Variants in IGHMBP2 observed in about 807,000 individuals in gnomAD.
IGHMBP2 encodes the protein DNA-binding protein SMUBP-2.
IGHMBP2 carries 81 observed loss-of-function variants against 96.0 expected under a neutral mutation model. The ratio of observed to expected loss-of-function variants is 0.84; its 90% CI spans 0.71 to 1.01. The LOEUF is 1.01. Among genes scored for constraint, IGHMBP2 ranks in the 50% least tolerant of loss-of-function variants. IGHMBP2 has a pLI of 0.00. For synonymous variants in IGHMBP2, 557 were observed against 548.9 expected, an observed-to-expected ratio of 1.01 and a Z score of -0.21; for missense variants, 1,227 against 1,306.3, an observed-to-expected ratio of 0.94 and a Z score of 0.94.
rs1859700120 is a variant in IGHMBP2 at position 68,940,143 on chromosome 11, CAA to C, written c.*413_*414del. ...GAGGGTGCTGAGAGGAAACAGGAAA[CAA>C]GACTGCGAATGGCGCTCAGGCAGGG... On this transcript the variant is annotated 3_prime_UTR_variant, in exon 15 of 15. Transcript: ENST00000255078. 3 of 203,036 alleles carry C rather than the reference CAA, an allele frequency of 1.5e-5. No homozygotes were observed. Among genetic ancestry groups the C allele is most frequent in the Admixed American group, 5.3e-5 (1 of 18,866 alleles). 12.6% of individuals were successfully genotyped at this position (203,036 alleles called of 1,614,324 possible).
chr11:68,928,628 TG>T (rs1859158096), intron 7 of IGHMBP2, among the ~76,000 whole-genome samples: 1 of 152,092 alleles, frequency 6.6e-6, no homozygotes, highest in Admixed American at 6.5e-5. Flanking sequence ...GGCTTAGGGG[TG>T]GGAGGCTCGC....
chr11:68,926,270 T>A lies in IGHMBP2; in HGVS notation c.1061-2913T>A, dbSNP rs1347104338. Reference sequence around the variant, plus strand: ...CTCCAGAATTTCTGTGTGGTGCTTTTTTTTTTTTTTTTTTTTTTTTAGATG... The same window carrying A: ...CTCCAGAATTTCTGTGTGGTGCTTTATTTTTTTTTTTTTTTTTTTTAGATG... On this transcript the variant is annotated intron_variant, in intron 7 of 14. Transcript: ENST00000255078. 9 of 36,302 alleles carry A rather than the reference T, an allele frequency of 2.5e-4. No individual in the cohort carries two copies. The East Asian group carries it at 0.026, about 106-fold the overall frequency. The allele number at this position is 36,302 out of a possible 1,614,324, so 2.2% of individuals were successfully genotyped here.
chr11:68,918,188 T>TAAAAAAAGAAA (rs1858741634), intron 7 of IGHMBP2, among the ~76,000 whole-genome samples: 1 of 152,220 alleles, frequency 6.6e-6, no homozygotes. Context: ...TGGTTCCTAA[T>TAAAAAAAGAAA]ATGCCCTTAT....
chr11:68,934,046 C>G (rs1859425239), intron 10 of IGHMBP2, 133 bp downstream of exon 10: 2 of 737,376 alleles, frequency 2.7e-6, no homozygotes, highest in Non-Finnish European at 4.9e-6. Context: ...AAAACGGAGC[C>G]CCACACTGCA....
intron 1 of IGHMBP2, among the ~76,000 whole-genome samples, chr11:68,905,864 T>C: frequency 6.6e-6 from 1 of 152,146 alleles, no homozygotes; most frequent in East Asian, 1.9e-4. Context: ...CTCAGGTAAC[T>C]GAGAGAAGGG....
chr11:68,926,243 A>T (rs1347170545), intron 7 of IGHMBP2: 1 of 143,686 alleles, frequency 7.0e-6, no homozygotes, highest in African/African-American at 2.6e-5. Flanking sequence ...TGTACTTTTC[A>T]ACTCCAGAAT....
intron 2 of IGHMBP2, among the ~76,000 whole-genome samples, chr11:68,907,029 G>T (rs1256591102): frequency 6.6e-6 from 1 of 152,102 alleles, no homozygotes; most frequent in Non-Finnish European, 1.5e-5. Flanking sequence ...GGAGGCCGAG[G>T]TGGGTGGATC....
intron 8 of IGHMBP2, among the ~76,000 whole-genome samples, chr11:68,932,033 T>C (rs1232697194): frequency 7.1e-6 from 1 of 140,276 alleles, no homozygotes; most frequent in South Asian, 2.3e-4. Context: ...GGGGAAAACA[T>C]TGGGTGGCAT....
intron 5 of IGHMBP2, among the ~76,000 whole-genome samples, chr11:68,914,292 CAAA>C (rs35858423): frequency 2.2e-5 from 3 of 136,248 alleles, no homozygotes; most frequent in Non-Finnish European, 3.3e-5. Flanking sequence ...CAATTTGTTT[CAAA>C]AAAAAAAAAG....
rs890113569 is a variant in IGHMBP2, at chr11:68,939,674, G to A, written c.2925G>A (p.Lys975=). The stretch of plus-strand genomic sequence containing the variant: ...CCCAGCTGCAGAGGAGGCTGGATAA[G>A]AAGCTGAGTGAGCTCAGCAACCAGA... ...KRAQLQRRLD[K]KLSELSNQRT... is the part of the protein sequence containing the mutation. The change falls in exon 15 of 15, where the codon AAG becomes AAA. Residue 975 remains lysine (K), a synonymous_variant. Coordinates refer to ENST00000255078, the MANE Select transcript of IGHMBP2 (RefSeq NM_002180.3). 2.1e-5 allele frequency: 34 copies of A among 1,612,844 alleles called. No individual in the cohort carries two copies. Among genetic ancestry groups the A allele is most frequent in the Non-Finnish European group, 2.7e-5 (32 of 1,179,786 alleles).
chr11:68,934,903 G>T (rs1481890169), intron 11 of IGHMBP2, among the ~76,000 whole-genome samples: 1 of 152,238 alleles, frequency 6.6e-6, no homozygotes, highest in Non-Finnish European at 1.5e-5. Context: ...TCCCACAGGA[G>T]TCTCAGCCTT....
At chr11:68,907,766 G>A (rs559185543) in intron 2 of IGHMBP2, among the ~76,000 whole-genome samples, 52 of 152,032 alleles carry the variant, frequency 3.4e-4, no homozygotes, top group Non-Finnish European at 5.9e-4. Flanking sequence ...CTGTCGCTCA[G>A]GCCGGAGTGC....
chr11:68,921,191 T>TC (rs1464836731), intron 7 of IGHMBP2, among the ~76,000 whole-genome samples: 1 of 151,646 alleles, frequency 6.6e-6, no homozygotes, highest in African/African-American at 2.4e-5. Context: ...ATTTCTTTTT[T>TC]TTTTTACATA....
chr11:68,923,762 G>A (rs1247678210), intron 7 of IGHMBP2, among the ~76,000 whole-genome samples: 1 of 152,038 alleles, frequency 6.6e-6, no homozygotes, highest in Non-Finnish European at 1.5e-5. Flanking sequence ...TCATTGTTTT[G>A]GATGGTATTT....
chr11:68,918,009 A>G, intron 7 of IGHMBP2, 126 bp downstream of exon 7: 1 of 1,007,054 alleles, frequency 9.9e-7, no homozygotes, highest in South Asian at 1.4e-5. Context: ...GGTAGGGTTC[A>G]CTAGGGAAGG....
chr11:68,924,160 T>C (rs1431687995), intron 7 of IGHMBP2, among the ~76,000 whole-genome samples: 1 of 152,232 alleles, frequency 6.6e-6, no homozygotes, highest in African/African-American at 2.4e-5. Flanking sequence ...GGGGTTGTTA[T>C]TTGAGATGGG....
chr11:68,915,913 C>T (rs933655737), intron 6 of IGHMBP2, among the ~76,000 whole-genome samples: 2 of 151,854 alleles, frequency 1.3e-5, no homozygotes, highest in African/African-American at 2.4e-5. Flanking sequence ...GTGGCTCACA[C>T]GTGCAATCCC....
chr11:68,923,427 T>G (rs1161081037), intron 7 of IGHMBP2, among the ~76,000 whole-genome samples: 1 of 152,126 alleles, frequency 6.6e-6, no homozygotes, highest in Non-Finnish European at 1.5e-5. Context: ...GGTCTCAAAC[T>G]CCTGACCTCA....
chr11:68,930,344 C>A, intron 8 of IGHMBP2: 1 of 1,289,754 alleles, frequency 7.8e-7, no homozygotes, highest in Non-Finnish European at 1.0e-6. Flanking sequence ...TCGGAACTTT[C>A]GTTGTTTTCC....
Sources: allele counts gnomAD v4.1 joint callset (sites outside exome capture counted in the v4.1 genomes callset), GRCh38; gene constraint gnomAD v4.1.1; transcripts MANE v1.5; gene names NCBI Gene and HGNC (gene_info 2026-07-23, HGNC 2026-07-21).